Variants in P2RY14 observed in about 807,000 individuals in gnomAD.
P2RY14 encodes the protein purinergic receptor P2Y14.
In P2RY14, 2 loss-of-function variants were observed where a neutral mutation model predicts 0.9. The ratio of observed to expected loss-of-function variants is 2.16; its 90% CI spans 0.88 to 6.79. The LOEUF is 6.79. Ranked by LOEUF, P2RY14 falls within the 30% of genes most tolerant of loss-of-function variation. The probability of loss-of-function intolerance (pLI) is 0.05; values close to 1 mark genes in which losing one functional copy is unlikely to be tolerated. For missense variants in P2RY14, 378 were observed against 400.1 expected (o/e 0.94, Z 0.47); for synonymous variants, 158 against 147.2 (o/e 1.07, Z -0.53).
At chr3:151,260,486 A>G (rs1738653304) in intron 1 of P2RY14, among the ~76,000 whole-genome samples, 1 of 152,028 alleles carries the variant, frequency 6.6e-6, no homozygotes, top group Admixed American at 6.6e-5. Context: ...AGTAGCTGGG[A>G]CTGCAGGCGT....
chr3:151,241,001 G>T (rs910439882), intron 1 of P2RY14, among the ~76,000 whole-genome samples: 2 of 152,146 alleles, frequency 1.3e-5, no homozygotes, highest in African/African-American at 4.8e-5. Flanking sequence ...AGTGTCTCCT[G>T]GTTGCCAAAA....
intron 2 of P2RY14, among the ~76,000 whole-genome samples, chr3:151,218,737 T>C (rs1364311627): frequency 1.3e-5 from 2 of 151,304 alleles, no homozygotes; most frequent in Admixed American, 6.6e-5. Flanking sequence ...TGTGGTGGCA[T>C]ACACCTGTAA....
At chr3:151,239,866 T>G (rs1310394737) in intron 1 of P2RY14, among the ~76,000 whole-genome samples, 1 of 152,242 alleles carries the variant, frequency 6.6e-6, no homozygotes, top group Non-Finnish European at 1.5e-5. Context: ...GGACACCACA[T>G]TTTATGAAGA....
chr3:151,256,008 C>T (rs560465162), intron 1 of P2RY14, among the ~76,000 whole-genome samples: 1 of 152,154 alleles, frequency 6.6e-6, no homozygotes, highest in African/African-American at 2.4e-5. Context: ...TCTCTTTTTA[C>T]TATGACAGGC....
At chr3:151,251,518 C>G (rs760002874) in intron 1 of P2RY14, among the ~76,000 whole-genome samples, 1 of 152,166 alleles carries the variant, frequency 6.6e-6, no homozygotes, top group African/African-American at 2.4e-5. Flanking sequence ...AGAGGAATCC[C>G]TCTAAAATAC....
At chr3:151,262,607 G>C (rs1577164996) in intron 1 of P2RY14, among the ~76,000 whole-genome samples, 1 of 152,222 alleles carries the variant, frequency 6.6e-6, no homozygotes, top group East Asian at 1.9e-4. Flanking sequence ...ATTTACTAAG[G>C]GATGCATGGG....
intron 1 of P2RY14, among the ~76,000 whole-genome samples, chr3:151,252,523 T>A (rs1443774427): frequency 6.6e-6 from 1 of 152,222 alleles, no homozygotes; most frequent in Non-Finnish European, 1.5e-5. Flanking sequence ...TTTTTATTCA[T>A]TTAATTAAAG....
intron 1 of P2RY14, among the ~76,000 whole-genome samples, chr3:151,229,783 C>T (rs963081241): frequency 6.6e-6 from 1 of 151,666 alleles, no homozygotes; most frequent in Admixed American, 6.6e-5. Context: ...AATTCTTAAA[C>T]GAATTTGTGT....
At chr3:151,250,815 C>T (rs143518098) in intron 1 of P2RY14, among the ~76,000 whole-genome samples, 42 of 152,064 alleles carry the variant, frequency 2.8e-4, no homozygotes, top group African/African-American at 7.5e-4. Context: ...TGTGGTAATC[C>T]TATGTTAATT....
At chr3:151,214,368 A>C (rs753951344) in intron 2 of P2RY14, 28 bp from the exon 3 acceptor site, 2 of 1,471,166 alleles carry the variant, frequency 1.4e-6, no homozygotes, top group Non-Finnish European at 1.9e-6. Flanking sequence ...CTGGTCACTC[A>C]TAGGGCACTT....
chr3:151,212,818 CTT>C lies in P2RY14; in HGVS notation c.*480_*481del, dbSNP rs1727397268. On this transcript the variant is annotated 3_prime_UTR_variant, in exon 3 of 3. Coordinates refer to ENST00000309170, the MANE Select transcript of P2RY14 (RefSeq NM_014879.4). ...TCTTCAAATCAGGAAAAAAACCTGACTTTTTATTGCAAACAGCTCTCTAGCCC... is the reference window on the plus strand; with the variant it reads ...TCTTCAAATCAGGAAAAAAACCTGACTTTATTGCAAACAGCTCTCTAGCCC... The C allele has an allele frequency of 6.6e-6, 1 of 151,866 alleles. No homozygotes were observed. Among genetic ancestry groups the C allele is most frequent in the African/African-American group, 2.4e-5 (1 of 41,306 alleles). 9.4% of individuals were successfully genotyped at this position (151,866 alleles called of 1,614,324 possible). A position where few individuals can be genotyped will look rare whatever the true frequency, so the allele number is the denominator to read the frequency against.
In P2RY14 at chr3:151,255,036, TATACTC is replaced by T. The variant is rs907127711; in HGVS notation, c.-133+23245_-133+23250del. Among the ~76,000 whole-genome samples the T allele has an allele frequency of 4.6e-5, 7 of 152,220 alleles. No homozygotes were observed. The East Asian group carries it at 5.8e-4, about 13-fold the overall frequency. ...ATACTTAACAATATAAATATAGTAT[TATACTC>T]ATAATAAGCGAGGCCTTTGCTTGTA... On this transcript the variant is annotated intron_variant, in intron 1 of 2. Transcript: ENST00000309170.
intron 1 of P2RY14, among the ~76,000 whole-genome samples, chr3:151,261,163 T>C (rs1044412604): frequency 1.8e-4 from 28 of 152,172 alleles, no homozygotes; most frequent in African/African-American, 6.3e-4. Context: ...TAAATTATAC[T>C]GTTCCCCATT....
chr3:151,252,127 T>C (rs1736975079), intron 1 of P2RY14, among the ~76,000 whole-genome samples: 1 of 152,144 alleles, frequency 6.6e-6, no homozygotes. Flanking sequence ...TCCCTCCCTA[T>C]GCAGGATAAA....
At chr3:151,249,211 C>G (rs1045497574) in intron 1 of P2RY14, 1 of 152,174 alleles carries the variant, frequency 6.6e-6, no homozygotes, top group Non-Finnish European at 1.5e-5. Flanking sequence ...AAAAGGGAGA[C>G]TGAGCAAGTG....
intron 1 of P2RY14, among the ~76,000 whole-genome samples, chr3:151,270,557 CTG>C (rs1686742427): frequency 1.3e-5 from 2 of 152,106 alleles, no homozygotes; most frequent in Admixed American, 6.6e-5. Flanking sequence ...GCTCAGAACA[CTG>C]TGTCTCTGCG....
chr3:151,264,889 G>A (rs1739546039), intron 1 of P2RY14, among the ~76,000 whole-genome samples: 1 of 152,128 alleles, frequency 6.6e-6, no homozygotes, highest in South Asian at 2.1e-4. Context: ...ACCTCCTGTG[G>A]CCACTGCCTT....
chr3:151,258,310 A>G (rs768670187), intron 1 of P2RY14, among the ~76,000 whole-genome samples: 6 of 152,136 alleles, frequency 3.9e-5, no homozygotes, highest in Non-Finnish European at 5.9e-5. Context: ...CACTTTCTTT[A>G]ATTCTGTTTG....
At chr3:151,228,754 C>G (rs1731030614) in intron 1 of P2RY14, among the ~76,000 whole-genome samples, 2 of 152,246 alleles carry the variant, frequency 1.3e-5, no homozygotes, top group South Asian at 4.1e-4. Flanking sequence ...CTCTGCATCA[C>G]TCCTGGCTTC....
Sources: allele counts gnomAD v4.1 joint callset (sites outside exome capture counted in the v4.1 genomes callset), GRCh38; gene constraint gnomAD v4.1.1; transcripts MANE v1.5; gene names NCBI Gene and HGNC (gene_info 2026-07-23, HGNC 2026-07-21).